Variants in SLC38A1 observed in about 807,000 individuals in gnomAD.
SLC38A1 encodes the protein solute carrier family 38 member 1.
A neutral mutation model predicts 60.3 loss-of-function variants in SLC38A1; 18 were observed. That is an observed-to-expected ratio of 0.30 (90% CI 0.21 to 0.44). The LOEUF (loss-of-function observed/expected upper bound fraction) is 0.44, where lower values mean the gene tolerates loss of function less well. Ranked by LOEUF, SLC38A1 falls within the 20% of genes least tolerant of loss-of-function variation. SLC38A1 has a pLI of 1.00. For synonymous variants in SLC38A1, 196 were observed against 212.1 expected (o/e 0.92, Z 0.66); for missense variants, 448 against 587.2 (o/e 0.76, Z 2.45).
chr12:46,228,979 A>T (rs1251595874), intron 5 of SLC38A1, among the ~76,000 whole-genome samples, 174 bp downstream of exon 5: 2 of 152,194 alleles, frequency 1.3e-5, no homozygotes, highest in Non-Finnish European at 2.9e-5. Context: ...TGTTGTAAGC[A>T]TTAGGTACAG....
chr12:46,188,078 G>A lies in SLC38A1; in HGVS notation c.*892C>T, dbSNP rs892728267. On this transcript the variant is annotated 3_prime_UTR_variant, in exon 17 of 17. Transcript: ENST00000398637. ...TTCTCCCTTCAGCAAGACAGGTAGG[G>A]TTGAAGGCTAAATGCATCAGAGGAG... 2 of 152,172 alleles carry A rather than the reference G, an allele frequency of 1.3e-5. No individual in the cohort carries two copies. Among genetic ancestry groups the A allele is most frequent in the African/African-American group, 4.8e-5 (2 of 41,436 alleles). 9.4% of individuals were successfully genotyped at this position (152,172 alleles called of 1,614,324 possible). A position where few individuals can be genotyped will look rare whatever the true frequency, so the allele number is the denominator to read the frequency against.
intron 16 of SLC38A1, among the ~76,000 whole-genome samples, chr12:46,192,197 G>T (rs900535802): frequency 6.6e-6 from 1 of 152,162 alleles, no homozygotes; most frequent in Non-Finnish European, 1.5e-5. Context: ...TAATCATGTG[G>T]TTTTTGTCAT....
At chr12:46,209,217 G>C in intron 5 of SLC38A1, 90 bp from the exon 6 acceptor site, 1 of 859,518 alleles carries the variant, frequency 1.2e-6, no homozygotes, top group South Asian at 1.7e-5. Context: ...TTATTTGTAT[G>C]GTTAACACTA....
At chr12:46,262,377 T>TTA (rs1565801367) in intron 1 of SLC38A1, among the ~76,000 whole-genome samples, 1 of 148,614 alleles carries the variant, frequency 6.7e-6, no homozygotes, top group African/African-American at 2.5e-5. Context: ...ATATTACATT[T>TTA]AAAAAAAAAA....
chr12:46,234,978 A>C (rs1941209486), intron 3 of SLC38A1, among the ~76,000 whole-genome samples: 1 of 152,246 alleles, frequency 6.6e-6, no homozygotes, highest in East Asian at 1.9e-4. Context: ...TTAAAAAAAG[A>C]GTTCTCATTG....
chr12:46,226,597 A>T (rs1940871788), intron 5 of SLC38A1, among the ~76,000 whole-genome samples: 1 of 149,476 alleles, frequency 6.7e-6, no homozygotes, highest in Non-Finnish European at 1.5e-5. Context: ...AAATTTCCCA[A>T]ACTGAAGGTC....
intron 5 of SLC38A1, among the ~76,000 whole-genome samples, chr12:46,227,012 G>T (rs1940892636): frequency 6.6e-6 from 1 of 151,224 alleles, no homozygotes; most frequent in South Asian, 2.1e-4. Context: ...TTGTGAAACT[G>T]CAGGATACTG....
At chr12:46,217,757 GT>G (rs1051593586) in intron 5 of SLC38A1, among the ~76,000 whole-genome samples, 2 of 152,196 alleles carry the variant, frequency 1.3e-5, no homozygotes, top group African/African-American at 4.8e-5. Context: ...CGGTGACCTT[GT>G]AGCATGTGAT....
chr12:46,219,690 C>T (rs1940573400), intron 5 of SLC38A1, among the ~76,000 whole-genome samples: 1 of 152,232 alleles, frequency 6.6e-6, no homozygotes, highest in African/African-American at 2.4e-5. Context: ...CCACACTTAA[C>T]CTGCTCTACT....
chr12:46,210,901 A>G (rs564375587), intron 5 of SLC38A1, among the ~76,000 whole-genome samples: 1 of 152,234 alleles, frequency 6.6e-6, no homozygotes, highest in Admixed American at 6.5e-5. Context: ...GGACTAATAC[A>G]CTGATTAAGA....
chr12:46,209,263 T>A (rs1232188773), intron 5 of SLC38A1, 136 bp from the exon 6 acceptor site: 36 of 544,462 alleles, frequency 6.6e-5, no homozygotes, highest in Non-Finnish European at 1.1e-4. Flanking sequence ...AACCTATTAG[T>A]CATCCCTGCT....
At chr12:46,245,663 C>A (rs1042564684) in intron 1 of SLC38A1, among the ~76,000 whole-genome samples, 1 of 152,112 alleles carries the variant, frequency 6.6e-6, no homozygotes, top group Admixed American at 6.5e-5. Context: ...AAGACATGTG[C>A]GCTGAGCCTG....
chr12:46,194,827 T>G (rs1056465402), intron 16 of SLC38A1, among the ~76,000 whole-genome samples: 1 of 152,182 alleles, frequency 6.6e-6, no homozygotes, highest in African/African-American at 2.4e-5. Flanking sequence ...TAGCCATTCA[T>G]CTAACCTTTT....
Position 46,239,751 on chromosome 12 carries a change from G to C in SLC38A1, c.50C>G (p.Thr17Arg). The change falls in exon 3 of 17, where the codon ACA becomes AGA. Residue 17 changes from threonine (T) to arginine (R), a missense_variant. Physicochemically the swap from Thr to Arg is moderately conservative, Grantham distance 71. Transcript: ENST00000398637. The stretch of plus-strand genomic sequence containing the variant: ...GCTAATGTTATCATCCTCGGGCACT[G>C]TCATGTTTTGCAACTCAGTTAATTC... The part of the protein sequence containing the change: ...GLELTELQNM[T>R]VPEDDNISND... The C allele has an allele frequency of 6.2e-7, 1 of 1,613,340 alleles. No individual in the cohort carries two copies. Among genetic ancestry groups the C allele is most frequent in the Non-Finnish European group, 8.5e-7 (1 of 1,179,858 alleles).
chr12:46,209,318 A>G (rs975398658), intron 5 of SLC38A1, among the ~76,000 whole-genome samples, 191 bp from the exon 6 acceptor site: 51 of 152,266 alleles, frequency 3.3e-4, no homozygotes, highest in African/African-American at 1.1e-3. Context: ...AGAAGTGCTC[A>G]TTAGAATCTG....
chr12:46,262,058 G>A (rs1334854371), intron 1 of SLC38A1, among the ~76,000 whole-genome samples: 1 of 152,180 alleles, frequency 6.6e-6, no homozygotes, highest in Admixed American at 6.5e-5. Context: ...AAGCTCACAG[G>A]GGATGAGTAT....
At chr12:46,197,547 G>A (rs996528121) in intron 16 of SLC38A1, 173 bp downstream of exon 16, 15 of 545,640 alleles carry the variant, frequency 2.7e-5, no homozygotes, top group African/African-American at 2.4e-4. Flanking sequence ...TTGGAGGGAT[G>A]GGAGAAGATT....
chr12:46,239,478 C>T (rs909868931), intron 3 of SLC38A1: 8 of 448,414 alleles, frequency 1.8e-5, no homozygotes, highest in African/African-American at 1.6e-4. Flanking sequence ...GCATGCACCA[C>T]ATGCCTGGCT....
At chr12:46,260,881 C>A (rs546931883) in intron 1 of SLC38A1, among the ~76,000 whole-genome samples, 3 of 152,290 alleles carry the variant, frequency 2.0e-5, no homozygotes, top group Admixed American at 6.5e-5. Context: ...CCTCTCCCAC[C>A]TATAGAGGCA....
Sources: gnomAD v4.1 joint callset for allele counts (sites outside exome capture counted in the v4.1 genomes callset) on GRCh38, gnomAD v4.1.1 for gene constraint, MANE v1.5 for transcripts, NCBI Gene and HGNC (gene_info 2026-07-23, HGNC 2026-07-21) for gene names.